SLC25A40: variants seen among roughly 807,000 people sequenced by gnomAD.
The protein encoded by SLC25A40 is solute carrier family 25 member 40.
SLC25A40 carries 41 observed loss-of-function variants against 46.5 expected under a neutral mutation model. That is an observed-to-expected ratio of 0.88 (90% CI 0.69 to 1.14). The LOEUF is 1.14. Among genes scored for constraint, SLC25A40 ranks in the 50% most tolerant of loss-of-function variants. The pLI is 0.00. For synonymous variants in SLC25A40, 126 were observed against 127.5 expected, an observed-to-expected ratio of 0.99 and a Z score of 0.08; for missense variants, 386 against 393.6, an observed-to-expected ratio of 0.98 and a Z score of 0.16.
intron 1 of SLC25A40, among the ~76,000 whole-genome samples, chr7:87,875,507 C>A (rs1355971351): frequency 6.6e-6 from 1 of 151,284 alleles, no homozygotes; most frequent in Non-Finnish European, 1.5e-5. Flanking sequence ...TAGAGGAATG[C>A]AAAATAGTTC....
intron 9 of SLC25A40, chr7:87,841,950 C>T: frequency 2.8e-6 from 1 of 357,522 alleles, no homozygotes; most frequent in Admixed American, 3.5e-5. Context: ...GGTCACACAG[C>T]TACTAGTTGC....
At position 87,834,758 on chromosome 7, in the gene SLC25A40, T is replaced by C. The variant is rs1838234932; in HGVS notation, c.*1491A>G. On this transcript the variant is annotated 3_prime_UTR_variant, in exon 12 of 12. Transcript: ENST00000341119. ...TATATCACAGTATAGCATTATACAA[T>C]GATTTTACGTAAAAATATTTAGAAG... is the stretch of plus-strand genomic sequence containing the variant. The C allele has an allele frequency of 6.6e-6, 1 of 151,648 alleles. No individual in the cohort carries two copies. The highest frequency in any genetic ancestry group is 1.9e-4 in the East Asian group (1 of 5,194). The allele number at this position is 151,648 out of a possible 1,614,324, so 9.4% of individuals were successfully genotyped here.
chr7:87,839,904 T>C (rs557648425), intron 10 of SLC25A40, among the ~76,000 whole-genome samples: 1 of 151,844 alleles, frequency 6.6e-6, no homozygotes, highest in African/African-American at 2.4e-5. Context: ...GAGAAGGGAT[T>C]TGGTATAGCT....
intron 1 of SLC25A40, among the ~76,000 whole-genome samples, chr7:87,866,744 G>T (rs1838807331): frequency 6.6e-6 from 1 of 152,176 alleles, no homozygotes; most frequent in South Asian, 2.1e-4. Flanking sequence ...ACTCCCACCT[G>T]TTTCAGTCCC....
At chr7:87,860,180 G>A (rs1838675775) in intron 2 of SLC25A40, 1 of 152,112 alleles carries the variant, frequency 6.6e-6, no homozygotes, top group Non-Finnish European at 1.5e-5. Context: ...CTAGGTGACA[G>A]AGAAGACTAC....
intron 1 of SLC25A40, among the ~76,000 whole-genome samples, chr7:87,870,623 C>T (rs916088720): frequency 6.6e-6 from 1 of 152,146 alleles, no homozygotes; most frequent in Admixed American, 6.5e-5. Context: ...CCATAAAAAC[C>T]ACAGGCTCAG....
In SLC25A40 at chr7:87,846,837, T is replaced by C. The variant is rs114143380; in HGVS notation, c.631+112A>G. 1.9e-3 allele frequency: 1,526 copies of C among 809,138 alleles called. 15 individuals carry two copies. In the African/African-American group the frequency reaches 0.022, roughly 12 times the overall value. The allele number at this position is 809,138 out of a possible 1,614,324, so 50.1% of individuals were successfully genotyped here. A position where few individuals can be genotyped will look rare whatever the true frequency, so the allele number is the denominator to read the frequency against. On this transcript the variant is annotated intron_variant, in intron 8 of 11. Coordinates refer to ENST00000341119, the MANE Select transcript of SLC25A40 (RefSeq NM_018843.4). ...CAATGAAAAAGGAGTTTGTGGTCAC[T>C]ATAGAAAATAACTTACCTTTAATGG...
intron 1 of SLC25A40, among the ~76,000 whole-genome samples, chr7:87,874,722 C>T (rs777117556): frequency 1.3e-5 from 2 of 152,202 alleles, no homozygotes; most frequent in Admixed American, 6.5e-5. Flanking sequence ...TTCACAACAT[C>T]CCTGAGAAGT....
chr7:87,857,944 C>A (rs975452868), intron 3 of SLC25A40, among the ~76,000 whole-genome samples: 1 of 152,158 alleles, frequency 6.6e-6, no homozygotes, highest in East Asian at 1.9e-4. Context: ...ATTTTCCTAG[C>A]AAGGAATATT....
chr7:87,837,813 G>A (rs1188933033), intron 10 of SLC25A40, among the ~76,000 whole-genome samples: 2 of 151,210 alleles, frequency 1.3e-5, no homozygotes, highest in South Asian at 2.1e-4. Context: ...CCAGCTGAAT[G>A]AAGGGCAAAC....
intron 8 of SLC25A40, among the ~76,000 whole-genome samples, chr7:87,845,269 CA>C (rs1230788215): frequency 6.6e-6 from 1 of 152,116 alleles, no homozygotes; most frequent in Non-Finnish European, 1.5e-5. Context: ...TATGGTTATT[CA>C]ATAGATCAGG....
In SLC25A40 at chr7:87,854,211, C is replaced by G. The variant is rs1265093491; in HGVS notation, c.257G>C (p.Gly86Ala). The change falls in exon 5 of 12, where the codon GGA becomes GCA. Residue 86 changes from glycine to alanine, a missense_variant. Transcript: ENST00000341119. ...GGAATATAATCACCTTACCAATGTT[C>G]CCTGGAAATTTCCTGGCTTCTTATA... ...LWYKKPGNFQ[G>A]TLDAFFKIIR... 1 of 1,601,980 alleles carries G rather than the reference C, an allele frequency of 6.2e-7. No homozygotes were observed. Among genetic ancestry groups the G allele is most frequent in the African/African-American group, 1.3e-5 (1 of 74,578 alleles).
At chr7:87,856,763 G>C (rs951398446) in intron 3 of SLC25A40, among the ~76,000 whole-genome samples, 8 of 151,998 alleles carry the variant, frequency 5.3e-5, no homozygotes, top group African/African-American at 1.9e-4. Context: ...TCAAATAAGA[G>C]GTACAGATAA....
chr7:87,859,050 A>C (rs191738257), intron 2 of SLC25A40, among the ~76,000 whole-genome samples: 57 of 152,344 alleles, frequency 3.7e-4, no homozygotes, highest in Non-Finnish European at 6.6e-4. Context: ...TAACCTTAAT[A>C]AGTTTTATCT....
intron 6 of SLC25A40, 113 bp downstream of exon 6, chr7:87,849,768 C>G (rs1371355117): frequency 4.1e-6 from 3 of 739,042 alleles, no homozygotes; most frequent in Non-Finnish European, 6.2e-6. Flanking sequence ...AACAATACCT[C>G]AGAAAATGAA....
At chr7:87,843,577 TTTAAA>T (rs1257543630) in intron 9 of SLC25A40, among the ~76,000 whole-genome samples, 172 bp downstream of exon 9, 5 of 152,080 alleles carry the variant, frequency 3.3e-5, no homozygotes, top group East Asian at 1.9e-4. Context: ...ATACAGTATA[TTTAAA>T]TTATTTTATT....
intron 4 of SLC25A40, among the ~76,000 whole-genome samples, chr7:87,854,914 G>C (rs1838584057): frequency 6.6e-6 from 1 of 151,740 alleles, no homozygotes; most frequent in Non-Finnish European, 1.5e-5. Flanking sequence ...TGTAATCCCA[G>C]CACTTTGGGA....
intron 1 of SLC25A40, among the ~76,000 whole-genome samples, chr7:87,873,429 C>CTT (rs573186397): frequency 0.026 from 3,326 of 125,622 alleles, 193 homozygotes; most frequent in African/African-American, 0.097. Context: ...GAAAGGTTAA[C>CTT]TTTTTTTTTT....
intron 3 of SLC25A40, 83 bp downstream of exon 3, chr7:87,858,548 C>A (rs551821236): frequency 7.8e-6 from 6 of 765,634 alleles, no homozygotes; most frequent in Middle Eastern, 6.5e-4. Flanking sequence ...AAAGAAACTA[C>A]GTTGAAATAC....
Sources: gnomAD v4.1 joint callset for allele counts (sites outside exome capture counted in the v4.1 genomes callset) on GRCh38, gnomAD v4.1.1 for gene constraint, MANE v1.5 for transcripts, NCBI Gene and HGNC (gene_info 2026-07-23, HGNC 2026-07-21) for gene names.